Variants in HDAC9 observed in about 807,000 individuals in gnomAD.
HDAC9 encodes the protein MEF-2 interacting transcription repressor (MITR) protein.
Under a neutral mutation model 139.4 loss-of-function variants are expected in HDAC9, and 41 were observed. That is an observed-to-expected ratio of 0.29 (90% CI 0.23 to 0.38). The LOEUF (loss-of-function observed/expected upper bound fraction) is 0.38, where lower values mean the gene tolerates loss of function less well. Ranked by LOEUF, HDAC9 falls within the 10% of genes least tolerant of loss-of-function variation. The pLI is 1.00. For missense variants in HDAC9, 1,147 were observed against 1,297.0 expected, an observed-to-expected ratio of 0.88 and a Z score of 1.78; for synonymous variants, 517 against 476.2, an observed-to-expected ratio of 1.09 and a Z score of -1.12.
chr7:18,206,470 G>A (rs1371228568), intron 2 of HDAC9, among the ~76,000 whole-genome samples: 1 of 152,088 alleles, frequency 6.6e-6, no homozygotes, highest in Non-Finnish European at 1.5e-5. Context: ...AAATCCCAAT[G>A]GAGGCTTGTC....
intron 17 of HDAC9, among the ~76,000 whole-genome samples, chr7:18,821,596 A>G (rs28636374): frequency 0.33 from 50,508 of 152,092 alleles, 8,807 homozygotes; most frequent in South Asian, 0.49. Flanking sequence ...TTAACATAGA[A>G]CACTTCAGAC....
chr7:18,872,013 C>T (rs998254362), intron 21 of HDAC9, among the ~76,000 whole-genome samples: 1 of 152,076 alleles, frequency 6.6e-6, no homozygotes, highest in African/African-American at 2.4e-5. Flanking sequence ...CAATGTCACC[C>T]TCCATAACCA....
chr7:18,813,531 T>C (rs1241091273), intron 17 of HDAC9, among the ~76,000 whole-genome samples: 2 of 152,274 alleles, frequency 1.3e-5, no homozygotes, highest in African/African-American at 4.8e-5. Context: ...GGCACATTTA[T>C]TTATTTATCT....
chr7:18,919,293 A>G (rs896970421), intron 22 of HDAC9, among the ~76,000 whole-genome samples: 1 of 152,034 alleles, frequency 6.6e-6, no homozygotes, highest in Non-Finnish European at 1.5e-5. Context: ...ATACTTCATC[A>G]TAAAGCTAAC....
At chr7:18,334,182 A>G (rs1179129214) in intron 1 of HDAC9, among the ~76,000 whole-genome samples, 3 of 151,632 alleles carry the variant, frequency 2.0e-5, no homozygotes, top group African/African-American at 4.8e-5. Context: ...TGAAGGTCTC[A>G]TACTCCTGAA....
chr7:18,958,628 G>A (rs1394629821), intron 24 of HDAC9, among the ~76,000 whole-genome samples: 2 of 152,078 alleles, frequency 1.3e-5, no homozygotes, highest in Non-Finnish European at 2.9e-5. Flanking sequence ...TTTAATTGCC[G>A]TATCTTTTGC....
intron 13 of HDAC9, among the ~76,000 whole-genome samples, chr7:18,736,422 T>C (rs1786903823): frequency 6.6e-6 from 1 of 152,182 alleles, no homozygotes; most frequent in South Asian, 2.1e-4. Flanking sequence ...AATACCTGAT[T>C]TATTGAGAGT....
chr7:18,220,788 G>A (rs976980204), intron 2 of HDAC9, among the ~76,000 whole-genome samples: 22 of 152,220 alleles, frequency 1.4e-4, no homozygotes, highest in African/African-American at 3.4e-4. Flanking sequence ...GGTCTCTGTC[G>A]TAGCTCAGAT....
intron 16 of HDAC9, among the ~76,000 whole-genome samples, chr7:18,791,841 T>C (rs2588625): frequency 0.83 from 126,618 of 152,150 alleles, 53,383 homozygotes; most frequent in African/African-American, 0.89. Flanking sequence ...CTAGCTTTTG[T>C]TTACCACTTA....
chr7:18,692,948 G>A (rs1382717704), intron 12 of HDAC9, among the ~76,000 whole-genome samples: 1 of 151,824 alleles, frequency 6.6e-6, no homozygotes, highest in Non-Finnish European at 1.5e-5. Flanking sequence ...TACATTTTTT[G>A]TGTTGTTATG....
intron 22 of HDAC9, among the ~76,000 whole-genome samples, chr7:18,900,846 G>C (rs1333957040): frequency 6.6e-6 from 1 of 152,070 alleles, no homozygotes; most frequent in African/African-American, 2.4e-5. Context: ...CTAGTGTATA[G>C]ATACCACTGG....
intron 2 of HDAC9, among the ~76,000 whole-genome samples, chr7:18,582,597 ATTATTT>A (rs544341227): frequency 1.3e-5 from 2 of 152,260 alleles, no homozygotes; most frequent in Admixed American, 1.3e-4. Flanking sequence ...TCCCACAAAC[ATTATTT>A]TTAATGAATG....
intron 1 of HDAC9, among the ~76,000 whole-genome samples, chr7:18,142,209 T>C (rs773342283): frequency 1.3e-5 from 2 of 152,256 alleles, no homozygotes; most frequent in African/African-American, 2.4e-5. Context: ...CCCCTAAGCA[T>C]ATTTTAGGTG....
chr7:18,701,228 C>T (rs1488704127), intron 12 of HDAC9, among the ~76,000 whole-genome samples: 1 of 151,392 alleles, frequency 6.6e-6, no homozygotes, highest in Non-Finnish European at 1.5e-5. Flanking sequence ...GAAAACAACT[C>T]TCCGAGATAA....
At chr7:18,829,060 G>T in intron 17 of HDAC9, 101 bp from the exon 18 acceptor site, 1 of 813,676 alleles carries the variant, frequency 1.2e-6, no homozygotes. Flanking sequence ...TCAGTTTTGT[G>T]TGTGTGTGCC....
chr7:18,449,591 G>A lies in HDAC9; in HGVS notation c.-41-46671G>A, dbSNP rs112898840. Among the ~76,000 whole-genome samples, 1,181 of 152,106 alleles carry A rather than the reference G, an allele frequency of 7.8e-3. 16 individuals carry two copies. Among genetic ancestry groups the A allele is most frequent in the African/African-American group, 0.027 (1,108 of 41,500 alleles). ...TAAGATATACACCTATGGTTTGCCC[G>A]CTTTTCAGGATGTATGTAGCACTGG... is the stretch of plus-strand genomic sequence containing the variant. On this transcript the variant is annotated intron_variant, in intron 1 of 3. Transcript: ENST00000413509.
At chr7:18,410,486 A>T (rs1788443019) in intron 1 of HDAC9, among the ~76,000 whole-genome samples, 1 of 152,180 alleles carries the variant, frequency 6.6e-6, no homozygotes, top group South Asian at 2.1e-4. Flanking sequence ...TGAGCGTGAC[A>T]ATTGTGTGCA....
intron 1 of HDAC9, among the ~76,000 whole-genome samples, chr7:18,299,373 C>A (rs556337093): frequency 6.6e-6 from 1 of 152,084 alleles, no homozygotes; most frequent in African/African-American, 2.4e-5. Flanking sequence ...CAAGTAATCT[C>A]ATCAAGAAGC....
chr7:18,321,703 T>C (rs1385644975), intron 1 of HDAC9, among the ~76,000 whole-genome samples: 2 of 152,136 alleles, frequency 1.3e-5, no homozygotes. Flanking sequence ...ATTGCCTTAT[T>C]AGCTTTTCTT....
Sources: gnomAD v4.1 joint callset for allele counts (sites outside exome capture counted in the v4.1 genomes callset) on GRCh38, gnomAD v4.1.1 for gene constraint, MANE v1.5 for transcripts, NCBI Gene and HGNC (gene_info 2026-07-23, HGNC 2026-07-21) for gene names.